Variants in TMEM132D observed in about 807,000 individuals in gnomAD.
The protein encoded by TMEM132D is transmembrane protein 132D.
TMEM132D carries 21 observed loss-of-function variants against 62.3 expected under a neutral mutation model. The observed-to-expected ratio is 0.34, with a 90% CI of 0.24 to 0.49. The LOEUF is 0.49. Ranked by LOEUF, TMEM132D falls within the 20% of genes least tolerant of loss-of-function variation. TMEM132D has a pLI of 0.99. For missense variants in TMEM132D, 1,346 were observed against 1,402.8 expected (o/e 0.96, Z 0.65); for synonymous variants, 621 against 575.6 (o/e 1.08, Z -1.13).
intron 3 of TMEM132D, among the ~76,000 whole-genome samples, chr12:129,528,888 C>G (rs1003602867): frequency 6.6e-6 from 1 of 152,220 alleles, no homozygotes; most frequent in Admixed American, 6.5e-5. Context: ...GCCTTCCTAG[C>G]TGCTGTGTAA....
At chr12:129,764,036 A>G (rs560174807) in intron 1 of TMEM132D, among the ~76,000 whole-genome samples, 1 of 152,182 alleles carries the variant, frequency 6.6e-6, no homozygotes, top group African/African-American at 2.4e-5. Context: ...ACCTGCCCCC[A>G]TGCCCCAGCT....
intron 5 of TMEM132D, among the ~76,000 whole-genome samples, chr12:129,157,366 C>T (rs1877278256): frequency 6.6e-6 from 1 of 152,244 alleles, no homozygotes; most frequent in South Asian, 2.1e-4. Context: ...AGAGCACATC[C>T]TATTATTTTC....
chr12:129,555,405 C>A (rs557877919), intron 2 of TMEM132D, among the ~76,000 whole-genome samples: 43 of 152,256 alleles, frequency 2.8e-4, no homozygotes, highest in Middle Eastern at 3.4e-3. Context: ...CTGGGATGAC[C>A]CTGCTTGAGC....
intron 5 of TMEM132D, among the ~76,000 whole-genome samples, chr12:129,134,700 A>G (rs574186415): frequency 1.3e-5 from 2 of 152,336 alleles, no homozygotes; most frequent in Admixed American, 1.3e-4. Flanking sequence ...TCCAGTTTCA[A>G]CAGACAGACT....
At chr12:129,207,601 T>C (rs889531437) in intron 5 of TMEM132D, among the ~76,000 whole-genome samples, 1 of 152,122 alleles carries the variant, frequency 6.6e-6, no homozygotes, top group African/African-American at 2.4e-5. Flanking sequence ...CCTGTCCTGT[T>C]ACAGGAGTGG....
At chr12:129,726,916 G>A (rs930159116) in intron 1 of TMEM132D, among the ~76,000 whole-genome samples, 1 of 152,148 alleles carries the variant, frequency 6.6e-6, no homozygotes, top group African/African-American at 2.4e-5. Flanking sequence ...AGCTATAGCA[G>A]GGATACTCAA....
intron 5 of TMEM132D, among the ~76,000 whole-genome samples, chr12:129,091,811 G>A (rs1480657936): frequency 6.6e-6 from 1 of 152,234 alleles, no homozygotes; most frequent in Non-Finnish European, 1.5e-5. Context: ...GGTCTGGAGA[G>A]ACAATCTGAG....
At chr12:129,479,117 A>T (rs112107836) in intron 3 of TMEM132D, among the ~76,000 whole-genome samples, 2 of 152,204 alleles carry the variant, frequency 1.3e-5, no homozygotes, top group African/African-American at 4.8e-5. Flanking sequence ...CTTTGAGGAC[A>T]AGAGTGTTCT....
chr12:129,591,087 T>A (rs1878176058), intron 2 of TMEM132D, among the ~76,000 whole-genome samples: 1 of 152,064 alleles, frequency 6.6e-6, no homozygotes, highest in Non-Finnish European at 1.5e-5. Context: ...AGGCAGAACG[T>A]CTCCAAACCC....
chr12:129,164,361 C>T (rs1877481612), intron 5 of TMEM132D, among the ~76,000 whole-genome samples: 1 of 152,220 alleles, frequency 6.6e-6, no homozygotes, highest in South Asian at 2.1e-4. Context: ...CCACGACCCA[C>T]CCACCATAAT....
At chr12:129,396,688 C>A (rs1385097925) in intron 3 of TMEM132D, among the ~76,000 whole-genome samples, 1 of 152,120 alleles carries the variant, frequency 6.6e-6, no homozygotes, top group African/African-American at 2.4e-5. Flanking sequence ...AGAAGTAAAC[C>A]TGTGATTTTC....
chr12:129,275,454 T>G (rs188832380), intron 4 of TMEM132D, among the ~76,000 whole-genome samples: 1 of 152,350 alleles, frequency 6.6e-6, no homozygotes, highest in Non-Finnish European at 1.5e-5. Flanking sequence ...ATATATCTAT[T>G]CACTCTCTAG....
At position 129,084,502 on chromosome 12, in the gene TMEM132D, G is replaced by T. The variant is rs2135619412; in HGVS notation, c.1644C>A (p.Ser548Arg). 3.1e-6 allele frequency: 5 copies of T among 1,593,358 alleles called. No homozygotes were observed. Among genetic ancestry groups the T allele is most frequent in the Non-Finnish European group, 4.3e-6 (5 of 1,169,576 alleles). The part of the protein sequence containing the change: ...IKGWRVPIVS[S>R]RRPAGDSEEE... ...AGTTTCAGGGACATACCCACCTCCTGCTGGAGACGATGGGCACTCTCCAAC... is the reference window on the plus strand; with the variant it reads ...AGTTTCAGGGACATACCCACCTCCTTCTGGAGACGATGGGCACTCTCCAAC... Residue 548 changes from serine (S) to arginine (R), a missense_variant, in exon 6 of 9, where the codon AGC (serine) becomes AGA (arginine). Ser to Arg is a moderately radical substitution (Grantham distance 110, BLOSUM62 -1). Transcript: ENST00000422113.
chr12:129,330,659 A>T lies in TMEM132D; in HGVS notation c.1299+6975T>A, dbSNP rs565445252. Among the ~76,000 whole-genome samples the T allele has an allele frequency of 1.8e-4, 27 of 152,302 alleles. No homozygotes were observed. In the South Asian group the frequency reaches 3.3e-3, roughly 19 times the overall value. On this transcript the variant is annotated intron_variant, in intron 4 of 8. Transcript: ENST00000422113. ...CATACTCTGCCCCGCTCCATGCGAC[A>T]CCCTGCTCTACCTCGGGACTCTGCA...
In TMEM132D at chr12:129,531,083, T is replaced by C. The variant is rs552446048; in HGVS notation, c.1091A>G (p.Lys364Arg). Residue 364 changes from lysine to arginine, a missense_variant, in exon 3 of 9, where the codon AAG (lysine) becomes AGG (arginine). Physicochemically the swap from Lys to Arg is conservative, Grantham distance 26. Transcript: ENST00000422113. The part of the protein sequence containing the change: ...KYAPAVIVCQ[K>R]KAAGSENSAD... ...CCTGTTTTCTGAGCCAGCTGCTTTC[T>C]TCTGACAAACGATGACAGCTGGTGC... 2.5e-6 allele frequency: 4 copies of C among 1,613,602 alleles called. No homozygotes were observed. In the African/African-American group the frequency reaches 4.0e-5, roughly 16 times the overall value.
At chr12:129,625,657 T>A (rs1879194571) in intron 2 of TMEM132D, among the ~76,000 whole-genome samples, 1 of 152,202 alleles carries the variant, frequency 6.6e-6, no homozygotes, top group African/African-American at 2.4e-5. Flanking sequence ...GTGGATGAGA[T>A]CTGTAACGCT....
intron 5 of TMEM132D, among the ~76,000 whole-genome samples, chr12:129,179,328 GTTT>G (rs1050288450): frequency 1.6e-5 from 2 of 128,524 alleles, no homozygotes; most frequent in African/African-American, 7.0e-5. Flanking sequence ...CTTTTTTTTT[GTTT>G]TTTGTTTTTT....
chr12:129,587,966 C>T (rs1878077408), intron 2 of TMEM132D, among the ~76,000 whole-genome samples: 1 of 152,156 alleles, frequency 6.6e-6, no homozygotes. Context: ...TGCAGACAGA[C>T]CTGAGCTCCT....
chr12:129,667,394 C>A (rs990975131), intron 2 of TMEM132D, among the ~76,000 whole-genome samples: 1 of 151,984 alleles, frequency 6.6e-6, no homozygotes, highest in African/African-American at 2.4e-5. Flanking sequence ...GCAGGGGGAA[C>A]AAAAGGGAAG....
Sources: allele counts gnomAD v4.1 joint callset (sites outside exome capture counted in the v4.1 genomes callset), GRCh38; gene constraint gnomAD v4.1.1; transcripts MANE v1.5; gene names NCBI Gene and HGNC (gene_info 2026-07-23, HGNC 2026-07-21).